MYO6: variants seen among roughly 807,000 people sequenced by gnomAD.
MYO6 encodes the protein myosin VI, also known as unconventional myosin-VI.
A neutral mutation model predicts 178.7 loss-of-function variants in MYO6; 74 were observed. The ratio of observed to expected loss-of-function variants is 0.41; its 90% CI spans 0.34 to 0.50. The LOEUF (loss-of-function observed/expected upper bound fraction) is 0.50. MYO6 is among the 20% of genes least tolerant of loss of function. The probability of loss-of-function intolerance (pLI) is 0.09; values close to 1 mark genes in which losing one functional copy is unlikely to be tolerated. For missense variants in MYO6, 1,330 were observed against 1,547.4 expected, an observed-to-expected ratio of 0.86 and a Z score of 2.36; for synonymous variants, 477 against 504.6, an observed-to-expected ratio of 0.95 and a Z score of 0.73.
At position 75,761,998 on chromosome 6, in the gene MYO6, C is replaced by T. The variant is rs1263437829; in HGVS notation, c.-48+12575C>T. Among the ~76,000 whole-genome samples, 5 of 150,610 alleles carry T rather than the reference C, an allele frequency of 3.3e-5. No homozygotes were observed. The East Asian group carries it at 7.8e-4, about 24-fold the overall frequency. ...CCAGGCTGGAGTGCAGTGGCGTGAT[C>T]TCGGCTCACTACAAGCCCCGCCTGC... is the stretch of plus-strand genomic sequence containing the variant. On this transcript the variant is annotated intron_variant, in intron 1 of 34. Transcript: ENST00000369977.
intron 18 of MYO6, among the ~76,000 whole-genome samples, chr6:75,867,859 T>C (rs1379151845): frequency 6.6e-6 from 1 of 152,158 alleles, no homozygotes; most frequent in Admixed American, 6.5e-5. Context: ...GTTCTAGTTA[T>C]TGAGGAGTGT....
At position 75,858,871 on chromosome 6, in the gene MYO6, A is replaced by G; in HGVS notation, c.1382-31A>G. On this transcript the variant is annotated intron_variant, in intron 13 of 34. Transcript: ENST00000369977. ...AAATTTATATGAAGTTGATCTCATA[A>G]TGACTCTTGGTTCTGGTTTTATATT... 3.8e-6 allele frequency: 5 copies of G among 1,309,396 alleles called. No individual in the cohort carries two copies. The South Asian group carries it at 4.8e-5, about 13-fold the overall frequency. The allele number at this position is 1,309,396 out of a possible 1,614,324, so 81.1% of individuals were successfully genotyped here.
chr6:75,889,930 C>G, intron 25 of MYO6, 127 bp from the exon 26 acceptor site: 1 of 619,012 alleles, frequency 1.6e-6, no homozygotes, highest in Non-Finnish European at 2.7e-6. Context: ...TTGTAAAAAA[C>G]AATAAAAACA....
intron 11 of MYO6, among the ~76,000 whole-genome samples, chr6:75,851,085 A>G (rs1339808652): frequency 6.6e-6 from 1 of 152,230 alleles, no homozygotes; most frequent in Non-Finnish European, 1.5e-5. Flanking sequence ...AAGTCTTTAC[A>G]ATAATTAATA....
rs558073129 is a variant in MYO6, at chr6:75,879,409, T to A, written c.2078-411T>A. Among the ~76,000 whole-genome samples, 416 of 149,420 alleles carry A rather than the reference T, an allele frequency of 2.8e-3. 3 individuals are homozygous for A. The highest frequency in any genetic ancestry group is 9.7e-3 in the African/African-American group (401 of 41,146). ...GCAGGCATGCACTAGCATGCCTGGC[T>A]GATTTCTCTATTTTTTTTTTTTTTT... On this transcript the variant is annotated intron_variant, in intron 20 of 34. Transcript: ENST00000369977.
At chr6:75,834,853 A>G (rs1394181972) in intron 6 of MYO6, among the ~76,000 whole-genome samples, 2 of 152,200 alleles carry the variant, frequency 1.3e-5, no homozygotes, top group African/African-American at 2.4e-5. Context: ...GGTTAAGTGA[A>G]TGCTTCCCAG....
intron 1 of MYO6, among the ~76,000 whole-genome samples, chr6:75,797,345 G>C (rs1768969845): frequency 6.6e-6 from 1 of 152,108 alleles, no homozygotes; most frequent in Non-Finnish European, 1.5e-5. Context: ...CACCCGCCTT[G>C]GCCTCCCAGA....
Position 75,916,824 on chromosome 6 carries a change from G to C in MYO6, c.*1812G>C, listed in dbSNP as rs1781147057. The stretch of plus-strand genomic sequence containing the variant: ...TAAAGAGTTAAACATATTTAAATGA[G>C]AGAATCTAATGTTTCAGAAATTTGT... On this transcript the variant is annotated 3_prime_UTR_variant, in exon 35 of 35. Coordinates refer to ENST00000369977, the MANE Select transcript of MYO6 (RefSeq NM_004999.4). 1.3e-5 allele frequency: 2 copies of C among 152,090 alleles called. No individual in the cohort carries two copies. The highest frequency in any genetic ancestry group is 1.3e-4 in the Admixed American group (2 of 15,250). 9.4% of individuals were successfully genotyped at this position (152,090 alleles called of 1,614,324 possible).
intron 1 of MYO6, among the ~76,000 whole-genome samples, chr6:75,806,620 T>G (rs935372313): frequency 6.6e-6 from 1 of 152,206 alleles, no homozygotes; most frequent in Non-Finnish European, 1.5e-5. Flanking sequence ...TTTACTGGAA[T>G]GAGGGCAAGG....
At chr6:75,869,916 A>G (rs1279157420) in intron 18 of MYO6, among the ~76,000 whole-genome samples, 2 of 152,098 alleles carry the variant, frequency 1.3e-5, no homozygotes, top group East Asian at 3.9e-4. Context: ...GATCGAGACC[A>G]TCCTGGCTAA....
intron 31 of MYO6, 73 bp downstream of exon 31, chr6:75,907,781 GGTGTGT>G (rs957330651): frequency 2.9e-6 from 3 of 1,035,448 alleles, no homozygotes; most frequent in African/African-American, 3.3e-5. Flanking sequence ...ATTAGGGTGA[GGTGTGT>G]GTGTGTATGT....
chr6:75,776,704 G>C (rs1562141108), intron 1 of MYO6, among the ~76,000 whole-genome samples: 1 of 150,806 alleles, frequency 6.6e-6, no homozygotes, highest in East Asian at 1.9e-4. Context: ...GTAGAGATGG[G>C]GTAGTGCTGT....
chr6:75,784,527 A>C (rs1417248469), intron 1 of MYO6, among the ~76,000 whole-genome samples: 1 of 151,662 alleles, frequency 6.6e-6, no homozygotes, highest in African/African-American at 2.4e-5. Context: ...TAATCCCAGC[A>C]CTTTGGGAGG....
intron 19 of MYO6, among the ~76,000 whole-genome samples, chr6:75,872,124 C>G (rs1329715246): frequency 6.6e-6 from 1 of 151,290 alleles, no homozygotes; most frequent in Non-Finnish European, 1.5e-5. Flanking sequence ...ATGAGACTCT[C>G]TCTCAAAAAT....
intron 1 of MYO6, among the ~76,000 whole-genome samples, chr6:75,753,697 A>G (rs1417120024): frequency 6.6e-6 from 1 of 151,972 alleles, no homozygotes; most frequent in African/African-American, 2.4e-5. Flanking sequence ...TCCTGAGCTC[A>G]GATAGTGTGC....
chr6:75,877,790 T>A (rs892694972), intron 20 of MYO6, among the ~76,000 whole-genome samples: 6 of 151,606 alleles, frequency 4.0e-5, no homozygotes, highest in African/African-American at 1.5e-4. Flanking sequence ...AAAAAAAAAA[T>A]TTAAGCTTCA....
intron 1 of MYO6, among the ~76,000 whole-genome samples, chr6:75,789,909 C>T (rs1768056581): frequency 6.6e-6 from 1 of 152,178 alleles, no homozygotes; most frequent in Non-Finnish European, 1.5e-5. Flanking sequence ...CACCCTCTTT[C>T]ATTGGTAAGC....
intron 11 of MYO6, among the ~76,000 whole-genome samples, chr6:75,854,110 T>C (rs1562249753): frequency 1.3e-5 from 2 of 152,102 alleles, no homozygotes; most frequent in African/African-American, 2.4e-5. Flanking sequence ...AGATATGATG[T>C]ACTAAGGCAA....
intron 16 of MYO6, among the ~76,000 whole-genome samples, chr6:75,863,294 A>G (rs1180283226): frequency 6.6e-6 from 1 of 152,190 alleles, no homozygotes. Flanking sequence ...AGGCAATACA[A>G]ATTAGATAAT....
Sources: allele counts gnomAD v4.1 joint callset (sites outside exome capture counted in the v4.1 genomes callset), GRCh38; gene constraint gnomAD v4.1.1; transcripts MANE v1.5; gene names NCBI Gene and HGNC (gene_info 2026-07-23, HGNC 2026-07-21).